OAS2: variants seen among roughly 807,000 people sequenced by gnomAD.
The protein encoded by OAS2 is 2'-5'-oligoadenylate synthase 2.
OAS2 carries 67 observed loss-of-function variants against 71.3 expected under a neutral mutation model. That is an observed-to-expected ratio of 0.94 (90% CI 0.77 to 1.15). The LOEUF is 1.15. Among genes scored for constraint, OAS2 ranks in the 50% most tolerant of loss-of-function variants. The pLI is 0.00. For synonymous variants in OAS2, 327 were observed against 321.8 expected, an observed-to-expected ratio of 1.02 and a Z score of -0.17; for missense variants, 789 against 822.5, an observed-to-expected ratio of 0.96 and a Z score of 0.50.
At position 113,005,085 on chromosome 12, in the gene OAS2, G is replaced by A. The variant is rs371992121; in HGVS notation, c.1331G>A (p.Arg444Lys). ...EIHEQLKAFW[R>K]EKEEELEVSF... ...CATGAACAGCTGAAAGCCTTTTGGA[G>A]GGAGAAGGAGGAGGAGCTTGAAGTC... Residue 444 changes from arginine (R) to lysine (K), a missense_variant, in exon 7 of 10, where the codon AGG (arginine) becomes AAG (lysine). Coordinates refer to ENST00000392583, the MANE Select transcript of OAS2 (RefSeq NM_002535.3). The A allele has an allele frequency of 1.7e-5, 28 of 1,614,146 alleles. No homozygotes were observed. In the African/African-American group the frequency reaches 3.3e-4, roughly 19 times the overall value.
intron 7 of OAS2, 144 bp downstream of exon 7, chr12:113,005,366 C>A: frequency 1.3e-6 from 1 of 757,722 alleles, no homozygotes. Flanking sequence ...GGCAGTAATA[C>A]TTCACACTTG....
In OAS2 at chr12:112,978,639, G is replaced by A. The variant is rs2044050166; in HGVS notation, c.31G>A (p.Val11Met). Residue 11 changes from valine to methionine, a missense_variant, in exon 1 of 10, where the codon GTG becomes ATG. By Grantham distance (21) the Val-to-Met change is conservative. Transcript: ENST00000392583. The surrounding 1 kb of genome is among the most constrained non-coding windows in gnomAD (Gnocchi z 4.2). MGNGESQLSS[V>M]PAQKLGWFIQ... ...AAATGGGGAGTCCCAGCTGTCCTCG[G>A]TGCCTGCTCAGAAGCTGGGTTGGTT... 6 of 1,614,036 alleles carry A rather than the reference G, an allele frequency of 3.7e-6. No individual in the cohort carries two copies. Among genetic ancestry groups the A allele is most frequent in the Non-Finnish European group, 5.1e-6 (6 of 1,180,008 alleles).
chr12:113,009,619 T>C lies in OAS2; in HGVS notation c.*364T>C. The C allele has an allele frequency of 1.0e-6, 1 of 1,000,088 alleles. No individual in the cohort carries two copies. Among genetic ancestry groups the C allele is most frequent in the Non-Finnish European group, 1.2e-6 (1 of 840,030 alleles). 62.0% of individuals were successfully genotyped at this position (1,000,088 alleles called of 1,614,324 possible). ...CTGTTAATTTGAGTACTTATGGCCC[T>C]GAAAGCGGCCACGGTGCCTCCAGAT... On this transcript the variant is annotated 3_prime_UTR_variant, in exon 10 of 10. Coordinates refer to ENST00000392583, the MANE Select transcript of OAS2 (RefSeq NM_002535.3).
intron 6 of OAS2, among the ~76,000 whole-genome samples, chr12:113,003,544 C>G (rs180828067): frequency 6.6e-6 from 1 of 152,256 alleles, no homozygotes; most frequent in East Asian, 1.9e-4. Flanking sequence ...AGGGCACATC[C>G]ACAGGCCCCC....
At chr12:112,994,321 C>T (rs2044217471) in intron 2 of OAS2, among the ~76,000 whole-genome samples, 1 of 152,232 alleles carries the variant, frequency 6.6e-6, no homozygotes, top group Non-Finnish European at 1.5e-5. Flanking sequence ...TTCTTGGCAA[C>T]ACTTGTTTCC....
chr12:112,979,654 C>T (rs183410228), intron 1 of OAS2, among the ~76,000 whole-genome samples: 8 of 152,038 alleles, frequency 5.3e-5, no homozygotes, highest in African/African-American at 1.2e-4. Context: ...AGAAAAAGTG[C>T]CCAGATCAAA....
chr12:112,978,677 C>T lies in OAS2; in HGVS notation c.69C>T (p.Tyr23=). The T allele has an allele frequency of 6.2e-7, 1 of 1,614,136 alleles. No individual in the cohort carries two copies. Among genetic ancestry groups the T allele is most frequent in the South Asian group, 1.1e-5 (1 of 91,078 alleles). The change falls in exon 1 of 10, where the codon TAC becomes TAT. Residue 23 remains tyrosine, a synonymous_variant. Transcript: ENST00000392583. The surrounding 1 kb of genome is among the most constrained non-coding windows in gnomAD (Gnocchi z 4.2). ...AQKLGWFIQE[Y]LKPYEECQTL... ...AGCTGGGTTGGTTTATCCAGGAATA[C>T]CTGAAGCCCTACGAAGAATGTCAGA...
rs767273155 is a variant in OAS2, at chr12:113,007,944, G to C, written c.1895+1G>C. 1.9e-6 allele frequency: 3 copies of C among 1,607,840 alleles called. No individual in the cohort carries two copies. The highest frequency in any genetic ancestry group is 2.6e-6 in the Non-Finnish European group (3 of 1,174,274). ...TACTGAGCCAGTTGCAGAAAACCAG[G>C]TGCCTTCACCCTAGCCCCGTACTTT... On this transcript the variant is annotated splice_donor_variant, in intron 9 of 9. Coordinates refer to ENST00000392583, the MANE Select transcript of OAS2 (RefSeq NM_002535.3). LOFTEE classifies it high-confidence loss of function.
chr12:112,987,450 C>G, intron 2 of OAS2, 142 bp downstream of exon 2: 3 of 1,456,288 alleles, frequency 2.1e-6, no homozygotes, highest in Non-Finnish European at 2.7e-6. Context: ...AGAGAAGAAT[C>G]CCTTCTACCC....
At chr12:113,001,389 C>CAT (rs143020646) in intron 5 of OAS2, among the ~76,000 whole-genome samples, 117,600 of 148,052 alleles carry the variant, frequency 0.79, 47,736 homozygotes, top group East Asian at 0.99. Context: ...CACATATACA[C>CAT]ATATATATAC....
chr12:113,005,035 G>C lies in OAS2; in HGVS notation c.1281G>C (p.Glu427Asp), dbSNP rs2044318728. Residue 427 changes from glutamate to aspartate, a missense_variant, in exon 7 of 10, where the codon GAG (glutamate) becomes GAC (aspartate). Glu to Asp is a conservative substitution (Grantham distance 45, BLOSUM62 2). Coordinates refer to ENST00000392583, the MANE Select transcript of OAS2 (RefSeq NM_002535.3). ...AAAGCTACACCTCCCAAAAAAACGA[G>C]CGGCACAAAATCGTCAAGGAAATCC... is the stretch of plus-strand genomic sequence containing the variant. The part of the protein sequence containing the change: ...SLKSYTSQKN[E>D]RHKIVKEIHE... 6.2e-7 allele frequency: 1 copy of C among 1,614,024 alleles called. No individual in the cohort carries two copies. Among genetic ancestry groups the C allele is most frequent in the African/African-American group, 1.3e-5 (1 of 74,908 alleles).
chr12:113,003,377 G>A (rs895636632), intron 6 of OAS2, among the ~76,000 whole-genome samples: 7 of 152,126 alleles, frequency 4.6e-5, no homozygotes, highest in African/African-American at 9.7e-5. Flanking sequence ...CATCACTCCC[G>A]TCTCTGCCTC....
rs1340966935 is a variant in OAS2, at chr12:113,006,434, C to T, written c.1490C>T (p.Thr497Ile). ...NALGQLSSGS[T>I]PSPEVYAGLI... ...CCAGGTCAGCTGAGTTCTGGCTCCACACCCAGCCCCGAGGTTTATGCAGGG... is the reference window on the plus strand; with the variant it reads ...CCAGGTCAGCTGAGTTCTGGCTCCATACCCAGCCCCGAGGTTTATGCAGGG... Residue 497 changes from threonine (T) to isoleucine (I), a missense_variant, in exon 8 of 10, where the codon ACA becomes ATA. Thr to Ile is a moderately conservative substitution (Grantham distance 89). Transcript: ENST00000392583. 1.9e-6 allele frequency: 3 copies of T among 1,573,548 alleles called. No homozygotes were observed. The highest frequency in any genetic ancestry group is 2.6e-6 in the Non-Finnish European group (3 of 1,149,728).
chr12:112,984,977 A>T (rs1009210289), intron 1 of OAS2, among the ~76,000 whole-genome samples: 1 of 151,984 alleles, frequency 6.6e-6, no homozygotes, highest in Non-Finnish European at 1.5e-5. Context: ...ATATCATCCT[A>T]TTCTCTTCTG....
chr12:113,009,120 T>G lies in OAS2; in HGVS notation c.1929T>G (p.Gly643=). The change falls in exon 10 of 10, where the codon GGT becomes GGG. Residue 643 remains glycine, a synonymous_variant. Transcript: ENST00000392583. ...PVILDPAEPT[G]DVGGGDRWCW... is the part of the protein sequence containing the mutation. ...TCTTGGACCCAGCCGAACCCACAGG[T>G]GACGTGGGTGGAGGGGACCGTTGGT... 1.9e-6 allele frequency: 3 copies of G among 1,613,766 alleles called. No individual in the cohort carries two copies. In the South Asian group the frequency reaches 3.3e-5, roughly 18 times the overall value.
intron 1 of OAS2, among the ~76,000 whole-genome samples, 187 bp from the exon 2 acceptor site, chr12:112,986,851 T>C (rs2044141890): frequency 6.6e-6 from 1 of 152,182 alleles, no homozygotes; most frequent in African/African-American, 2.4e-5. Context: ...CACCTCCAGG[T>C]TGGGGCTAGT....
chr12:113,004,897 A>C (rs775760555), intron 6 of OAS2, 37 bp from the exon 7 acceptor site: 26 of 1,606,570 alleles, frequency 1.6e-5, no homozygotes, highest in Non-Finnish European at 2.0e-5. Context: ...TCCTCGGTTA[A>C]GGAAATTCTG....
intron 4 of OAS2, 150 bp downstream of exon 4, chr12:112,997,905 C>G: frequency 1.5e-6 from 1 of 671,526 alleles, no homozygotes; most frequent in South Asian, 2.0e-5. Flanking sequence ...ATGGGTCTGT[C>G]TGAAAGAGGG....
intron 1 of OAS2, among the ~76,000 whole-genome samples, chr12:112,986,476 C>T (rs1238809950): frequency 2.6e-5 from 4 of 152,122 alleles, no homozygotes; most frequent in Non-Finnish European, 5.9e-5. Flanking sequence ...GTAGGCTGGT[C>T]CCCAGGCCCT....
Sources: gnomAD v4.1 joint callset for allele counts (sites outside exome capture counted in the v4.1 genomes callset) on GRCh38, gnomAD v4.1.1 for gene constraint, Gnocchi (gnomAD v3.1) non-coding constraint, MANE v1.5 for transcripts, NCBI Gene and HGNC (gene_info 2026-07-23, HGNC 2026-07-21) for gene names.